CCDC180: variants seen among roughly 807,000 people sequenced by gnomAD.
The protein encoded by CCDC180 is coiled-coil domain-containing protein 180.
CCDC180 carries 154 observed loss-of-function variants against 209.2 expected under a neutral mutation model. The observed-to-expected ratio is 0.74, with a 90% confidence interval of 0.65 to 0.84. The LOEUF is 0.84. CCDC180 is among the 40% of genes least tolerant of loss of function. The pLI is 0.00. For missense variants in CCDC180, 1,874 were observed against 1,997.3 expected, an observed-to-expected ratio of 0.94 and a Z score of 1.18; for synonymous variants, 778 against 749.1, an observed-to-expected ratio of 1.04 and a Z score of -0.63.
At chr9:97,330,930 T>G (rs903490930) in intron 18 of CCDC180, among the ~76,000 whole-genome samples, 163 bp downstream of exon 18, 1 of 152,230 alleles carries the variant, frequency 6.6e-6, no homozygotes, top group Non-Finnish European at 1.5e-5. Flanking sequence ...AAAAAAATTT[T>G]ATTTTAGGTT....
In CCDC180 at chr9:97,370,754, T is replaced by A. The variant is rs1489945465; in HGVS notation, c.4464T>A (p.Ile1488=). ...GGCAGGAAGAGCTGGACAGCATGAT[T>A]AGGATGAACAAGGAGAAGCTGGAGG... The part of the protein sequence containing the change: ...EERQEELDSM[I]RMNKEKLEEC... The change falls in exon 33 of 37, where the codon ATT becomes ATA. Residue 1488 remains isoleucine (I), a synonymous_variant. Transcript: ENST00000529487. The A allele has an allele frequency of 6.2e-7, 1 of 1,613,912 alleles. No homozygotes were observed. Among genetic ancestry groups the A allele is most frequent in the Admixed American group, 1.7e-5 (1 of 60,012 alleles).
chr9:97,324,067 C>A, intron 13 of CCDC180, 164 bp downstream of exon 13: 3 of 741,784 alleles, frequency 4.0e-6, no homozygotes, highest in Non-Finnish European at 6.2e-6. Flanking sequence ...CTGGCCACTC[C>A]AAGCTCACTC....
chr9:97,328,001 TTACCTACC>T lies in CCDC180; in HGVS notation c.1662-13_1662-6del. 6.2e-7 allele frequency: 1 copy of T among 1,609,542 alleles called. No individual in the cohort carries two copies. ...TGGTTCCTAGCTGGGGTCTCCTGTC[TTACCTACC>T]TACCTCCCAGGTATGAATGTTTTCA... On this transcript the variant is annotated splice_polypyrimidine_tract_variant and intron_variant, in intron 15 of 36. Transcript: ENST00000529487.
chr9:97,347,559 C>T lies in CCDC180; in HGVS notation c.2674+70C>T, dbSNP rs1826298477. The T allele has an allele frequency of 1.9e-5, 27 of 1,415,186 alleles. No homozygotes were observed. The South Asian group carries it at 3.5e-4, about 18-fold the overall frequency. 87.7% of individuals were successfully genotyped at this position (1,415,186 alleles called of 1,614,324 possible). On this transcript the variant is annotated intron_variant, in intron 20 of 36. Transcript: ENST00000529487. ...CTTCAGCGTCTGCTCCACCGCGGCT[C>T]CATGTTCATTAGCTGCCCCAGTTTG...
At position 97,377,541 on chromosome 9, in the gene CCDC180, T is replaced by A. The variant is rs1364440815; in HGVS notation, c.*647T>A. 1 of 152,270 alleles carries A rather than the reference T, an allele frequency of 6.6e-6. No homozygotes were observed. Among genetic ancestry groups the A allele is most frequent in the African/African-American group, 2.4e-5 (1 of 41,450 alleles). 9.4% of individuals were successfully genotyped at this position (152,270 alleles called of 1,614,324 possible). ...CATTTGTCGGTAGCTGTGTGTGTCATCTGGACAGGTTTCCTCAGCCATAGA... is the reference window on the plus strand; with the variant it reads ...CATTTGTCGGTAGCTGTGTGTGTCAACTGGACAGGTTTCCTCAGCCATAGA... On this transcript the variant is annotated 3_prime_UTR_variant, in exon 37 of 37. Transcript: ENST00000529487.
chr9:97,326,237 C>G (rs7040299), intron 14 of CCDC180, among the ~76,000 whole-genome samples: 1 of 152,072 alleles, frequency 6.6e-6, no homozygotes, highest in East Asian at 1.9e-4. Context: ...AGAAGAAGAG[C>G]GAGGAGCAGG....
chr9:97,321,204 G>T (rs1833346861), intron 11 of CCDC180, among the ~76,000 whole-genome samples: 1 of 152,210 alleles, frequency 6.6e-6, no homozygotes, highest in Admixed American at 6.5e-5. Context: ...TATATTAAAT[G>T]CATTTTCAAC....
chr9:97,330,834 C>CCAGCTTACACTAGGGA, intron 18 of CCDC180, 67 bp downstream of exon 18: 1 of 1,463,360 alleles, frequency 6.8e-7, no homozygotes, highest in Non-Finnish European at 9.2e-7. Flanking sequence ...GTGTTTATCC[C>CCAGCTTACACTAGGGA]TAGTGTAAGC....
intron 14 of CCDC180, 122 bp downstream of exon 14, chr9:97,325,314 C>A (rs1833497144): frequency 2.0e-6 from 2 of 1,023,864 alleles, no homozygotes; most frequent in South Asian, 3.3e-5. Context: ...CATTGAGGCT[C>A]ACGTTGGTCA....
chr9:97,375,610 C>T (rs370801415), intron 36 of CCDC180, 21 bp downstream of exon 36: 17 of 1,613,796 alleles, frequency 1.1e-5, no homozygotes, highest in African/African-American at 4.0e-5. Flanking sequence ...GTGGAGTGGG[C>T]GTGTCCCAGG....
At chr9:97,327,622 ATTACT>A (rs1199166812) in intron 15 of CCDC180, among the ~76,000 whole-genome samples, 2 of 152,180 alleles carry the variant, frequency 1.3e-5, no homozygotes, top group African/African-American at 4.8e-5. Context: ...GGCAATTCTG[ATTACT>A]TTAGGCAAGT....
intron 16 of CCDC180, among the ~76,000 whole-genome samples, chr9:97,329,513 A>G (rs762689708): frequency 1.8e-4 from 27 of 152,214 alleles, no homozygotes; most frequent in Middle Eastern, 3.2e-3. Context: ...TCTAGCACAG[A>G]ATGCAGCAGA....
chr9:97,356,076 TG>T (rs1190260994), intron 24 of CCDC180, among the ~76,000 whole-genome samples: 4 of 151,912 alleles, frequency 2.6e-5, no homozygotes, highest in Non-Finnish European at 5.9e-5. Flanking sequence ...GGCAGAAGTG[TG>T]AGGCTGATGG....
intron 31 of CCDC180, among the ~76,000 whole-genome samples, chr9:97,368,644 A>C: frequency 6.6e-6 from 1 of 152,248 alleles, no homozygotes; most frequent in African/African-American, 2.4e-5. Flanking sequence ...ACATGAATTC[A>C]ATTTTGCTTT....
intron 26 of CCDC180, 23 bp downstream of exon 26, chr9:97,360,124 A>G: frequency 6.2e-7 from 1 of 1,609,744 alleles, no homozygotes; most frequent in Non-Finnish European, 8.5e-7. Flanking sequence ...ATAGGGTGGC[A>G]GGAAAGGGTG....
chr9:97,357,047 T>A (rs577633198), intron 24 of CCDC180, among the ~76,000 whole-genome samples: 4 of 152,370 alleles, frequency 2.6e-5, no homozygotes, highest in Non-Finnish European at 4.4e-5. Context: ...TAAGCATTCC[T>A]TTCTGGAGGA....
intron 10 of CCDC180, 27 bp downstream of exon 10, chr9:97,318,609 G>C (rs1286444951): frequency 6.2e-7 from 1 of 1,607,590 alleles, no homozygotes; most frequent in Admixed American, 1.7e-5. Flanking sequence ...CGGCCCAGGA[G>C]GGGTGCTTCT....
intron 34 of CCDC180, chr9:97,373,276 T>A (rs1283027291): frequency 6.6e-6 from 1 of 152,266 alleles, no homozygotes; most frequent in Non-Finnish European, 1.5e-5. Context: ...GTTATCCATT[T>A]ATCACTGATC....
intron 31 of CCDC180, chr9:97,369,137 G>A (rs1447092203): frequency 6.6e-6 from 1 of 152,114 alleles, no homozygotes; most frequent in Non-Finnish European, 1.5e-5. Context: ...AAGTAGAATT[G>A]GTGAACTGGA....
Sources: allele counts gnomAD v4.1 joint callset (sites outside exome capture counted in the v4.1 genomes callset), GRCh38; gene constraint gnomAD v4.1.1; transcripts MANE v1.5; gene names NCBI Gene and HGNC (gene_info 2026-07-23, HGNC 2026-07-21).